RASGRF2: variants seen among roughly 807,000 people sequenced by gnomAD.
RASGRF2 encodes Ras protein specific guanine nucleotide releasing factor 2.
Under a neutral mutation model 151.0 loss-of-function variants are expected in RASGRF2, and 76 were observed. The observed-to-expected ratio is 0.50, with a 90% CI of 0.42 to 0.61. The LOEUF is 0.61. RASGRF2 is among the 20% of genes least tolerant of loss of function. The pLI, the probability that RASGRF2 is intolerant of heterozygous loss-of-function variation, is 0.00. For synonymous variants in RASGRF2, 504 were observed against 566.5 expected, an observed-to-expected ratio of 0.89 and a Z score of 1.57; for missense variants, 1,148 against 1,564.6, an observed-to-expected ratio of 0.73 and a Z score of 4.49.
intron 17 of RASGRF2, among the ~76,000 whole-genome samples, chr5:81,178,571 T>C (rs1022103470): frequency 2.0e-5 from 3 of 152,182 alleles, no homozygotes; most frequent in African/African-American, 7.2e-5. Context: ...GTGGTAGGCC[T>C]AGACGAGATT....
chr5:81,225,760 T>C lies in RASGRF2; in HGVS notation c.3704T>C (p.Leu1235Pro). 6.2e-7 allele frequency: 1 copy of C among 1,612,062 alleles called. No homozygotes were observed. Among genetic ancestry groups the C allele is most frequent in the Non-Finnish European group, 8.5e-7 (1 of 1,179,546 alleles). ...YELSLKIEPRLPA is the reference protein window; with the variant it reads ...YELSLKIEPRPPA ...CTGTCACTAAAAATTGAACCTCGAC[T>C]CCCTGCTTGAAGATCTGGCCTTGCC... Residue 1235 changes from leucine (L) to proline (P), a missense_variant, in exon 27 of 27, where the codon CTC (leucine) becomes CCC (proline). This residue lies in a region of RASGRF2 where 100 missense variants were observed against 148.2 expected (regional missense o/e 0.67). Transcript: ENST00000265080.
At chr5:81,191,392 A>G (rs1231374455) in intron 18 of RASGRF2, among the ~76,000 whole-genome samples, 1 of 152,098 alleles carries the variant, frequency 6.6e-6, no homozygotes, top group Non-Finnish European at 1.5e-5. Context: ...GGAAGGAAGG[A>G]TGCACCCACC....
At chr5:81,085,733 G>C (rs1238807683) in intron 7 of RASGRF2, 69 bp from the exon 8 acceptor site, 1 of 1,597,278 alleles carries the variant, frequency 6.3e-7, no homozygotes, top group Non-Finnish European at 8.5e-7. Flanking sequence ...AGCAATGATG[G>C]CCCTGCGGAG....
At chr5:81,152,127 G>A (rs1754151495) in intron 17 of RASGRF2, among the ~76,000 whole-genome samples, 1 of 152,064 alleles carries the variant, frequency 6.6e-6, no homozygotes, top group Admixed American at 6.6e-5. Flanking sequence ...TCAGCCTCCA[G>A]AGTAGCTGGG....
At chr5:81,067,663 A>G (rs1271988392) in intron 2 of RASGRF2, among the ~76,000 whole-genome samples, 1 of 152,206 alleles carries the variant, frequency 6.6e-6, no homozygotes, top group Non-Finnish European at 1.5e-5. Context: ...AAATATTTTG[A>G]ATAGCATCCC....
chr5:81,086,019 G>A, intron 8 of RASGRF2, 108 bp downstream of exon 8: 4 of 1,494,480 alleles, frequency 2.7e-6, no homozygotes, highest in Non-Finnish European at 2.7e-6. Flanking sequence ...AACAAATCCA[G>A]CTTCTCAGAT....
At chr5:81,034,364 G>C (rs1225364153) in intron 1 of RASGRF2, among the ~76,000 whole-genome samples, 1 of 152,188 alleles carries the variant, frequency 6.6e-6, no homozygotes, top group Non-Finnish European at 1.5e-5. Flanking sequence ...CGGTAAACTA[G>C]TTCAACCATT....
intron 2 of RASGRF2, among the ~76,000 whole-genome samples, chr5:81,049,161 TAAAAAAAAA>T (rs3991140): frequency 0.016 from 1,829 of 116,850 alleles, 33 homozygotes; most frequent in African/African-American, 0.055. Flanking sequence ...GCAAGTTCCC[TAAAAAAAAA>T]AAAAAAAAAA....
chr5:81,155,481 C>T (rs115491723), intron 17 of RASGRF2, among the ~76,000 whole-genome samples: 6 of 152,278 alleles, frequency 3.9e-5, no homozygotes, highest in Non-Finnish European at 8.8e-5. Flanking sequence ...CAAGATAAGA[C>T]ACAAATTACC....
At chr5:81,142,844 G>A (rs777712092) in intron 17 of RASGRF2, among the ~76,000 whole-genome samples, 21 of 152,060 alleles carry the variant, frequency 1.4e-4, no homozygotes, top group Non-Finnish European at 2.6e-4. Flanking sequence ...AAGCATGGGC[G>A]GTGTGTGACA....
chr5:81,063,658 T>TCTC (rs1378820478), intron 2 of RASGRF2, among the ~76,000 whole-genome samples: 7 of 152,184 alleles, frequency 4.6e-5, no homozygotes, highest in Non-Finnish European at 1.0e-4. Flanking sequence ...TCAGTTTTCC[T>TCTC]TTTATATTTC....
At chr5:81,114,275 G>A (rs1443974883) in intron 15 of RASGRF2, among the ~76,000 whole-genome samples, 1 of 152,164 alleles carries the variant, frequency 6.6e-6, no homozygotes, top group African/African-American at 2.4e-5. Flanking sequence ...GGAGGTTGTG[G>A]GTACCCTCAC....
chr5:81,197,436 C>T (rs1483688421), intron 18 of RASGRF2, among the ~76,000 whole-genome samples: 1 of 112,816 alleles, frequency 8.9e-6, no homozygotes, highest in Non-Finnish European at 1.6e-5. Flanking sequence ...GCAATCCGGC[C>T]TGGGCGACAG....
chr5:81,169,152 A>C, intron 17 of RASGRF2, among the ~76,000 whole-genome samples: 1 of 152,222 alleles, frequency 6.6e-6, no homozygotes, highest in East Asian at 1.9e-4. Context: ...GTCTAAAATC[A>C]AACTCTTGAT....
In RASGRF2 at chr5:81,180,166, T is replaced by A. The variant is rs372889257; in HGVS notation, c.2687-9T>A. 2 of 1,547,778 alleles carry A rather than the reference T, an allele frequency of 1.3e-6. No homozygotes were observed. Among genetic ancestry groups the A allele is most frequent in the Non-Finnish European group, 1.8e-6 (2 of 1,120,118 alleles). ...ACTGCAACACGTGTGTGTTTCTTTT[T>A]CTCCTAAGGCTTTAACAACACCGAG... On this transcript the variant is annotated splice_polypyrimidine_tract_variant and intron_variant, in intron 17 of 26. Transcript: ENST00000265080.
At position 81,207,497 on chromosome 5, in the gene RASGRF2, G is replaced by A. The variant is rs138541240; in HGVS notation, c.3071+148G>A. 10 of 680,166 alleles carry A rather than the reference G, an allele frequency of 1.5e-5. No homozygotes were observed. The Admixed American group carries it at 1.5e-4, about 10-fold the overall frequency. The allele number at this position is 680,166 out of a possible 1,614,324, so 42.1% of individuals were successfully genotyped here. On this transcript the variant is annotated intron_variant, in intron 21 of 26. Coordinates refer to ENST00000265080, the MANE Select transcript of RASGRF2 (RefSeq NM_006909.3). Reference sequence around the variant, plus strand: ...TTGTTTCCATCCATGGAACTGGCACGCCTCTGTGTCCAGCACTCTGCAGGA... The same window carrying A: ...TTGTTTCCATCCATGGAACTGGCACACCTCTGTGTCCAGCACTCTGCAGGA...
At chr5:81,187,004 A>G (rs148600092) in intron 18 of RASGRF2, among the ~76,000 whole-genome samples, 59 of 152,334 alleles carry the variant, frequency 3.9e-4, no homozygotes, top group African/African-American at 1.3e-3. Flanking sequence ...TAAAACATAC[A>G]GAGTAGCCAT....
Position 80,960,834 on chromosome 5 carries a change from G to A in RASGRF2, c.96G>A (p.Lys32=), listed in dbSNP as rs1747523521. ...EGTKRGFLSK[K]TAEASRWHEK... is the part of the protein sequence containing the mutation. ...CCAAGCGCGGCTTCCTGAGTAAGAAGACGGCCGAGGCGAGCCGCTGGCACG... is the reference window on the plus strand; with the variant it reads ...CCAAGCGCGGCTTCCTGAGTAAGAAAACGGCCGAGGCGAGCCGCTGGCACG... The change falls in exon 1 of 27, where the codon AAG becomes AAA. Residue 32 remains lysine (K), a synonymous_variant. Coordinates refer to ENST00000265080, the MANE Select transcript of RASGRF2 (RefSeq NM_006909.3). This position sits in a 1 kb window ranked among gnomAD's most constrained non-coding sequence, Gnocchi z 5.5. The A allele has an allele frequency of 1.9e-6, 3 of 1,613,614 alleles. No homozygotes were observed. Among genetic ancestry groups the A allele is most frequent in the Non-Finnish European group, 1.7e-6 (2 of 1,179,760 alleles).
chr5:81,128,567 T>TTTCCATTTTAATTGGGTTTTAA, intron 17 of RASGRF2, among the ~76,000 whole-genome samples: 1 of 152,076 alleles, frequency 6.6e-6, no homozygotes, highest in South Asian at 2.1e-4. Flanking sequence ...TGAGAACACG[T>TTTCCATTTTAATTGGGTTTTAA]TTCCATTTTA....
Sources: allele counts gnomAD v4.1 joint callset (sites outside exome capture counted in the v4.1 genomes callset), GRCh38; gene constraint gnomAD v4.1.1; regional missense constraint gnomAD v4.1.1; non-coding constraint Gnocchi (gnomAD v3.1); transcripts MANE v1.5; gene names NCBI Gene and HGNC (gene_info 2026-07-23, HGNC 2026-07-21).